Variants in SASH1 observed in about 807,000 individuals in gnomAD.
The protein encoded by SASH1 is SAM and SH3 domain-containing protein 1.
In SASH1, 44 loss-of-function variants were observed where a neutral mutation model predicts 125.2. The ratio of observed to expected loss-of-function variants is 0.35; its 90% confidence interval spans 0.28 to 0.45. SASH1 has a LOEUF of 0.45. Among genes scored for constraint, SASH1 ranks in the 20% least tolerant of loss-of-function variants. The probability of loss-of-function intolerance (pLI) is 1.00; values close to 1 mark genes in which losing one functional copy is unlikely to be tolerated. For synonymous variants in SASH1, 639 were observed against 649.1 expected (o/e 0.98, Z 0.24); for missense variants, 1,426 against 1,614.5 (o/e 0.88, Z 2.00).
chr6:148,224,657 G>A, the SASH1 span, among the ~76,000 whole-genome samples: 3 of 152,076 alleles, frequency 2.0e-5, no homozygotes, highest in African/African-American at 7.2e-5. Flanking sequence ...CACTGCACCC[G>A]GCCTCCATTA....
upstream of SASH1, among the ~76,000 whole-genome samples, chr6:148,270,277 A>G (rs1582900102): frequency 6.6e-6 from 1 of 152,126 alleles, no homozygotes; most frequent in African/African-American, 2.4e-5. Context: ...ACCAAACCAC[A>G]CTATCCTCCA....
chr6:148,220,042 G>A, the SASH1 span, among the ~76,000 whole-genome samples: 2 of 152,314 alleles, frequency 1.3e-5, no homozygotes, highest in South Asian at 2.1e-4. Context: ...CTAAGCCTGC[G>A]AAAGCACCTC....
intron 2 of SASH1, among the ~76,000 whole-genome samples, chr6:148,430,788 A>T (rs1232422731): frequency 1.3e-5 from 2 of 152,242 alleles, no homozygotes; most frequent in African/African-American, 4.8e-5. Flanking sequence ...GGTGATGCTG[A>T]TGCAGATGGT....
intron 2 of SASH1, among the ~76,000 whole-genome samples, chr6:148,427,287 A>G (rs1562401349): frequency 6.6e-6 from 1 of 152,206 alleles, no homozygotes; most frequent in Non-Finnish European, 1.5e-5. Context: ...GGGGTGGATT[A>G]TAGTGTGGAT....
At chr6:148,326,380 T>TA (rs1780825558) in intron 1 of SASH1, among the ~76,000 whole-genome samples, 88 of 44,394 alleles carry the variant, frequency 2.0e-3, no homozygotes, top group African/African-American at 2.4e-3. Context: ...ATATACATTC[T>TA]TTTCTTTTCT....
intron 4 of SASH1, among the ~76,000 whole-genome samples, chr6:148,465,361 G>A (rs1777784004): frequency 6.6e-6 from 1 of 151,966 alleles, no homozygotes; most frequent in Non-Finnish European, 1.5e-5. Flanking sequence ...AGTCCAGCCT[G>A]GTCAACATGG....
the SASH1 span, among the ~76,000 whole-genome samples, chr6:148,226,954 G>A: frequency 6.6e-6 from 1 of 152,178 alleles, no homozygotes; most frequent in Non-Finnish European, 1.5e-5. Flanking sequence ...AGCTCCATTG[G>A]GGGTGGGGAA....
At chr6:148,231,070 T>C in the SASH1 span, among the ~76,000 whole-genome samples, 302 of 152,292 alleles carry the variant, frequency 2.0e-3, 1 homozygote, top group Non-Finnish European at 1.0e-3. Context: ...ATCATGAAGG[T>C]TTACTTCTAT....
At chr6:148,411,332 C>T (rs2114909904) in intron 2 of SASH1, among the ~76,000 whole-genome samples, 1 of 152,096 alleles carries the variant, frequency 6.6e-6, no homozygotes, top group South Asian at 2.1e-4. Context: ...AAGAGAAATA[C>T]AATATAAAAA....
chr6:148,211,494 G>A, the SASH1 span, among the ~76,000 whole-genome samples: 5 of 152,000 alleles, frequency 3.3e-5, no homozygotes, highest in South Asian at 6.2e-4. Flanking sequence ...TTGCTGGAAC[G>A]TGGGAGGTGG....
chr6:148,504,460 T>A (rs1469927561), intron 8 of SASH1, among the ~76,000 whole-genome samples: 1 of 152,100 alleles, frequency 6.6e-6, no homozygotes, highest in Non-Finnish European at 1.5e-5. Flanking sequence ...AATACTGAAG[T>A]CCCTTCTCAG....
chr6:148,334,427 CA>C (rs1162225428), intron 1 of SASH1, among the ~76,000 whole-genome samples: 30,490 of 62,632 alleles, frequency 0.49, 3,914 homozygotes, highest in Middle Eastern at 0.6. Context: ...GACTCCGTCT[CA>C]AAAAAAAAAA....
intron 4 of SASH1, among the ~76,000 whole-genome samples, chr6:148,459,468 A>C (rs779607810): frequency 9.2e-5 from 14 of 152,228 alleles, no homozygotes; most frequent in Non-Finnish European, 1.8e-4. Context: ...AGTGACCCAC[A>C]TCATTAACTT....
chr6:148,519,981 A>G lies in SASH1; in HGVS notation c.1209+88A>G. On this transcript the variant is annotated intron_variant, in intron 10 of 19. Transcript: ENST00000367467. The surrounding 1 kb of genome is among the most constrained non-coding windows in gnomAD (Gnocchi z 4.8). ...CCTGGAGGAGTTTCAGAGTGTCCGG[A>G]AGCAAATCCGCTTGAAGAAAACGGA... is the stretch of plus-strand genomic sequence containing the variant. 1.2e-6 allele frequency: 1 copy of G among 850,546 alleles called. No individual in the cohort carries two copies. Among genetic ancestry groups the G allele is most frequent in the Non-Finnish European group, 1.8e-6 (1 of 562,346 alleles). The allele number at this position is 850,546 out of a possible 1,614,324, so 52.7% of individuals were successfully genotyped here. A position where few individuals can be genotyped will look rare whatever the true frequency, so the allele number is the denominator to read the frequency against.
Position 148,484,885 on chromosome 6 carries a change from A to G in SASH1, c.628-2729A>G, listed in dbSNP as rs932135673. Among the ~76,000 whole-genome samples the G allele has an allele frequency of 8.5e-5, 13 of 152,146 alleles. No individual in the cohort carries two copies. The South Asian group carries it at 1.2e-3, about 15-fold the overall frequency. Reference sequence around the variant, plus strand: ...TTGAATCAGGGAGATCAAGGTTGCAATGAGCCGTGATTGCACTACTGCACT... The same window carrying G: ...TTGAATCAGGGAGATCAAGGTTGCAGTGAGCCGTGATTGCACTACTGCACT... On this transcript the variant is annotated intron_variant, in intron 7 of 19. Transcript: ENST00000367467.
rs61460366 is a variant in SASH1 at position 148,429,385 on chromosome 6, T to TAAAAAAA, written c.286-10778_286-10772dup. Among the ~76,000 whole-genome samples the TAAAAAAA allele has an allele frequency of 3.1e-3, 227 of 73,930 alleles. 1 individual carries two copies. The highest frequency in any genetic ancestry group is 0.011 in the South Asian group (18 of 1,592). 48.5% of individuals were successfully genotyped at this position (73,930 alleles called of 152,430 possible). On this transcript the variant is annotated intron_variant, in intron 2 of 19. Transcript: ENST00000367467. ...GGTGACAGAGCAAGACCCTGTCTCT[T>TAAAAAAA]AAAAAAAAAAAAAAAAAAAAAAAAA...
chr6:148,494,132 G>A (rs896814814), intron 8 of SASH1, among the ~76,000 whole-genome samples: 3 of 152,170 alleles, frequency 2.0e-5, no homozygotes, highest in Non-Finnish European at 4.4e-5. Context: ...GTAAGAGTTA[G>A]TGATCTATAC....
chr6:148,342,209 C>A (rs1781347372), upstream of SASH1, among the ~76,000 whole-genome samples: 1 of 152,220 alleles, frequency 6.6e-6, no homozygotes. Flanking sequence ...ATGATCCAAA[C>A]AATGGCTCGT....
chr6:148,369,951 C>CAAA (rs1196196590), intron 1 of SASH1, among the ~76,000 whole-genome samples: 2 of 8,802 alleles, frequency 2.3e-4, no homozygotes, highest in African/African-American at 4.4e-4. Context: ...GAGATTGTCT[C>CAAA]AAAAAAAAGA....
Sources: gnomAD v4.1 joint callset for allele counts (sites outside exome capture counted in the v4.1 genomes callset) on GRCh38, gnomAD v4.1.1 for gene constraint, Gnocchi (gnomAD v3.1) non-coding constraint, MANE v1.5 for transcripts, NCBI Gene and HGNC (gene_info 2026-07-23, HGNC 2026-07-21) for gene names.